IFT88: variants seen among roughly 807,000 people sequenced by gnomAD.
IFT88 encodes intraflagellar transport protein 88 homolog.
In IFT88, 74 loss-of-function variants were observed where a neutral mutation model predicts 119.5. The ratio of observed to expected loss-of-function variants is 0.62; its 90% CI spans 0.51 to 0.75. IFT88 has a LOEUF of 0.75. Among genes scored for constraint, IFT88 ranks in the 30% least tolerant of loss-of-function variants. The pLI, the probability that IFT88 is intolerant of heterozygous loss-of-function variation, is 0.00. For missense variants in IFT88, 961 were observed against 977.7 expected (o/e 0.98, Z 0.23); for synonymous variants, 279 against 316.7 (o/e 0.88, Z 1.26).
At chr13:20,668,063 A>T (rs540157441) in intron 23 of IFT88, among the ~76,000 whole-genome samples, 3 of 152,120 alleles carry the variant, frequency 2.0e-5, no homozygotes, top group Non-Finnish European at 2.9e-5. Flanking sequence ...GGCGTTTGTG[A>T]CACACCCCTC....
At chr13:20,680,392 G>T (rs963406202) in intron 24 of IFT88, among the ~76,000 whole-genome samples, 1 of 152,206 alleles carries the variant, frequency 6.6e-6, no homozygotes, top group Non-Finnish European at 1.5e-5. Flanking sequence ...TTTCGTTAGT[G>T]TATACCTCCA....
intron 8 of IFT88, 42 bp downstream of exon 8, chr13:20,596,282 G>GATGT (rs1453569604): frequency 1.1e-6 from 1 of 893,172 alleles, no homozygotes; most frequent in African/African-American, 1.7e-5. Flanking sequence ...AGCATTTATA[G>GATGT]ATGTATGTCT....
chr13:20,656,220 TA>T (rs1051061649), intron 21 of IFT88, 144 bp from the exon 22 acceptor site: 4 of 349,492 alleles, frequency 1.1e-5, no homozygotes, highest in South Asian at 1.4e-4. Flanking sequence ...CATTTTCTTC[TA>T]AAAGTTATAT....
chr13:20,624,466 C>G (rs2047001961), intron 14 of IFT88, among the ~76,000 whole-genome samples: 1 of 152,146 alleles, frequency 6.6e-6, no homozygotes, highest in African/African-American at 2.4e-5. Context: ...GTGAGACTCT[C>G]ATGTGAGGGC....
chr13:20,617,041 T>C (rs2139692918), intron 14 of IFT88, among the ~76,000 whole-genome samples: 1 of 152,212 alleles, frequency 6.6e-6, no homozygotes, highest in South Asian at 2.1e-4. Flanking sequence ...CCTCCTGGGT[T>C]CTCGCCATTC....
intron 7 of IFT88, among the ~76,000 whole-genome samples, chr13:20,592,746 A>G (rs2040911429): frequency 6.6e-6 from 1 of 152,072 alleles, no homozygotes; most frequent in South Asian, 2.1e-4. Flanking sequence ...TTGGCATTAC[A>G]GGCGTGAGCC....
chr13:20,674,826 C>G (rs1197124399), intron 24 of IFT88, among the ~76,000 whole-genome samples: 8 of 148,140 alleles, frequency 5.4e-5, no homozygotes, highest in Non-Finnish European at 1.0e-4. Context: ...CCATTCTCCT[C>G]CCTCAGCCTC....
intron 16 of IFT88, among the ~76,000 whole-genome samples, chr13:20,632,775 G>A (rs2140131204): frequency 6.6e-6 from 1 of 152,218 alleles, no homozygotes; most frequent in East Asian, 1.9e-4. Context: ...GCTTTGTGTT[G>A]TGCACAGTGC....
chr13:20,610,933 G>T (rs186414061), intron 13 of IFT88, among the ~76,000 whole-genome samples: 1 of 151,864 alleles, frequency 6.6e-6, no homozygotes, highest in Non-Finnish European at 1.5e-5. Context: ...GATCCCAGGG[G>T]TTTGAGACCA....
chr13:20,669,236 A>G (rs2055335995), intron 23 of IFT88, among the ~76,000 whole-genome samples: 1 of 152,160 alleles, frequency 6.6e-6, no homozygotes, highest in Non-Finnish European at 1.5e-5. Flanking sequence ...AGAGGACTGG[A>G]AAATTCTAGA....
intron 22 of IFT88, among the ~76,000 whole-genome samples, chr13:20,657,738 G>T (rs1047396277): frequency 2.0e-5 from 3 of 151,832 alleles, no homozygotes; most frequent in Admixed American, 6.6e-5. Context: ...GACCAGCCTG[G>T]CCAATAGAGC....
chr13:20,661,074 T>A (rs76358426), intron 22 of IFT88, among the ~76,000 whole-genome samples: 1 of 152,360 alleles, frequency 6.6e-6, no homozygotes, highest in African/African-American at 2.4e-5. Flanking sequence ...ACAACAGATA[T>A]ATCAACTTGA....
chr13:20,592,550 A>G (rs1215832299), intron 7 of IFT88, 146 bp downstream of exon 7: 4 of 571,592 alleles, frequency 7.0e-6, no homozygotes, highest in Middle Eastern at 4.0e-4. Context: ...GCTCACTGCA[A>G]CCTTCATCTC....
chr13:20,674,623 T>G (rs964776949), intron 24 of IFT88, among the ~76,000 whole-genome samples: 4 of 151,252 alleles, frequency 2.6e-5, no homozygotes, highest in African/African-American at 4.8e-5. Context: ...CAGGATAAGA[T>G]TCAGTGAACA....
chr13:20,592,170 G>A (rs1384965921), intron 6 of IFT88, among the ~76,000 whole-genome samples, 165 bp from the exon 7 acceptor site: 1 of 152,066 alleles, frequency 6.6e-6, no homozygotes, highest in Non-Finnish European at 1.5e-5. Flanking sequence ...CCCAGTATAT[G>A]AAATGTTTAT....
intron 14 of IFT88, among the ~76,000 whole-genome samples, chr13:20,618,747 CAG>C (rs1296846654): frequency 2.6e-5 from 4 of 152,102 alleles, no homozygotes; most frequent in Non-Finnish European, 5.9e-5. Context: ...TACTGAAAAA[CAG>C]AAGAGAAAAC....
intron 17 of IFT88, among the ~76,000 whole-genome samples, 197 bp downstream of exon 17, chr13:20,638,715 A>G (rs1056559723): frequency 1.3e-5 from 2 of 152,218 alleles, no homozygotes; most frequent in Admixed American, 6.5e-5. Context: ...TGCACATGCA[A>G]AATTTGGATC....
chr13:20,606,801 C>T (rs1240579717), intron 13 of IFT88, among the ~76,000 whole-genome samples: 1 of 152,142 alleles, frequency 6.6e-6, no homozygotes, highest in Non-Finnish European at 1.5e-5. Context: ...ATTGCTTGAA[C>T]CCAGGAGGCG....
chr13:20,620,217 CTCTTT>C (rs1210008593), intron 14 of IFT88, among the ~76,000 whole-genome samples: 3 of 151,578 alleles, frequency 2.0e-5, no homozygotes, highest in Admixed American at 1.3e-4. Flanking sequence ...TCTTTTCTCT[CTCTTT>C]TCTTTTCTGT....
Sources: gnomAD v4.1 joint callset for allele counts (sites outside exome capture counted in the v4.1 genomes callset) on GRCh38, gnomAD v4.1.1 for gene constraint, MANE v1.5 for transcripts, NCBI Gene and HGNC (gene_info 2026-07-23, HGNC 2026-07-21) for gene names.